Variants in DOK5 observed in about 807,000 individuals in gnomAD.
DOK5 encodes downstream of tyrosine kinase 5.
A neutral mutation model predicts 43.3 loss-of-function variants in DOK5; 27 were observed. The observed-to-expected ratio is 0.62, with a 90% CI of 0.46 to 0.86. The LOEUF (loss-of-function observed/expected upper bound fraction) is 0.86. Among genes scored for constraint, DOK5 ranks in the 40% least tolerant of loss-of-function variants. DOK5 has a pLI of 0.00. For missense variants in DOK5, 373 were observed against 392.9 expected, an observed-to-expected ratio of 0.95 and a Z score of 0.43; for synonymous variants, 146 against 140.1, an observed-to-expected ratio of 1.04 and a Z score of -0.30.
chr20:54,610,545 C>T (rs754614273), intron 6 of DOK5, 22 bp downstream of exon 6: 19 of 1,452,576 alleles, frequency 1.3e-5, no homozygotes, highest in South Asian at 1.1e-4. Context: ...ATTTCTTCCT[C>T]GTGTCCCAGT....
chr20:54,615,847 G>A (rs1264063494), intron 6 of DOK5, among the ~76,000 whole-genome samples: 1 of 151,568 alleles, frequency 6.6e-6, no homozygotes, highest in Non-Finnish European at 1.5e-5. Flanking sequence ...GTTGCAGTGA[G>A]CCAAGATTGC....
At chr20:54,573,245 G>A (rs369942797) in intron 2 of DOK5, among the ~76,000 whole-genome samples, 2 of 152,170 alleles carry the variant, frequency 1.3e-5, no homozygotes, top group African/African-American at 4.8e-5. Context: ...AGCCAATGGC[G>A]TAGCTAGAGG....
At chr20:54,621,263 G>C (rs560812841) in intron 6 of DOK5, among the ~76,000 whole-genome samples, 261 of 152,152 alleles carry the variant, frequency 1.7e-3, no homozygotes, top group African/African-American at 5.9e-3. Context: ...CTTTCTCTTT[G>C]TTTAACAGTT....
chr20:54,540,163 A>G (rs1984102043), intron 1 of DOK5, among the ~76,000 whole-genome samples: 1 of 151,824 alleles, frequency 6.6e-6, no homozygotes, highest in African/African-American at 2.4e-5. Flanking sequence ...TTTCAACTCT[A>G]CAAAAATACC....
At chr20:54,498,820 C>G (rs1289564261) in intron 1 of DOK5, among the ~76,000 whole-genome samples, 1 of 152,076 alleles carries the variant, frequency 6.6e-6, no homozygotes, top group African/African-American at 2.4e-5. Context: ...CCAAAAAAGA[C>G]TTTTTTTCTC....
intron 1 of DOK5, chr20:54,476,273 T>A: frequency 1.1e-6 from 1 of 911,422 alleles, no homozygotes; most frequent in Non-Finnish European, 1.3e-6. Flanking sequence ...CTGGAGCCCA[T>A]CTACTCGAAA....
chr20:54,608,917 C>T (rs191527216), intron 5 of DOK5, among the ~76,000 whole-genome samples: 94 of 152,216 alleles, frequency 6.2e-4, no homozygotes, highest in African/African-American at 1.6e-3. Context: ...TTAGATCATC[C>T]GCCCACCTTG....
intron 2 of DOK5, among the ~76,000 whole-genome samples, chr20:54,573,304 G>T (rs2146750210): frequency 6.6e-6 from 1 of 152,306 alleles, no homozygotes; most frequent in East Asian, 1.9e-4. Flanking sequence ...GGAGCAGGGA[G>T]AATGCTTGTT....
intron 5 of DOK5, among the ~76,000 whole-genome samples, chr20:54,601,164 T>C (rs1568804362): frequency 6.6e-6 from 1 of 152,212 alleles, no homozygotes; most frequent in Non-Finnish European, 1.5e-5. Flanking sequence ...GAGTGAGCAC[T>C]GGGGCTGAGG....
At chr20:54,549,114 G>A (rs573620568) in intron 1 of DOK5, among the ~76,000 whole-genome samples, 41 of 152,242 alleles carry the variant, frequency 2.7e-4, no homozygotes, top group South Asian at 1.0e-3. Flanking sequence ...GCCCCAAGAG[G>A]GAGACACAGC....
intron 1 of DOK5, among the ~76,000 whole-genome samples, chr20:54,478,634 A>G (rs1236741079): frequency 2.0e-5 from 3 of 152,226 alleles, no homozygotes; most frequent in Non-Finnish European, 4.4e-5. Flanking sequence ...TCCTGGTGCC[A>G]AGGAATAAAT....
intron 1 of DOK5, among the ~76,000 whole-genome samples, chr20:54,543,080 T>C (rs1568775339): frequency 6.6e-6 from 1 of 152,122 alleles, no homozygotes; most frequent in African/African-American, 2.4e-5. Flanking sequence ...AGGGTAAAAA[T>C]ACACAGAATT....
chr20:54,533,456 CA>C (rs1157618626), intron 1 of DOK5, among the ~76,000 whole-genome samples: 2 of 152,144 alleles, frequency 1.3e-5, no homozygotes, highest in Admixed American at 6.5e-5. Context: ...GAAATTTAAA[CA>C]TTTTTTTCTA....
At chr20:54,570,590 C>A (rs898011612) in intron 2 of DOK5, among the ~76,000 whole-genome samples, 9 of 152,008 alleles carry the variant, frequency 5.9e-5, no homozygotes, top group African/African-American at 2.2e-4. Flanking sequence ...ATAAATAAAT[C>A]ATCATCTGTA....
chr20:54,642,997 A>G (rs1568826204), intron 6 of DOK5, among the ~76,000 whole-genome samples: 2 of 152,252 alleles, frequency 1.3e-5, no homozygotes, highest in Admixed American at 1.3e-4. Context: ...TGTTACTTGT[A>G]TATCTATTAC....
At chr20:54,641,539 TATC>T (rs56910547) in intron 6 of DOK5, among the ~76,000 whole-genome samples, 16,465 of 128,674 alleles carry the variant, frequency 0.13, 2,012 homozygotes, top group African/African-American at 0.32. Flanking sequence ...AATTTCTAAT[TATC>T]ATCATCATCA....
intron 1 of DOK5, among the ~76,000 whole-genome samples, chr20:54,535,116 C>G (rs1032777528): frequency 2.0e-5 from 3 of 152,122 alleles, no homozygotes; most frequent in African/African-American, 7.2e-5. Context: ...AAGGTGTGAG[C>G]CACCACACCC....
intron 1 of DOK5, among the ~76,000 whole-genome samples, chr20:54,542,977 G>T (rs1187854162): frequency 6.7e-6 from 1 of 149,660 alleles, no homozygotes; most frequent in Non-Finnish European, 1.5e-5. Flanking sequence ...GTAGCATAGA[G>T]TTGGTAGCTT....
intron 2 of DOK5, among the ~76,000 whole-genome samples, chr20:54,573,561 C>T (rs886697488): frequency 4.6e-5 from 7 of 151,588 alleles, no homozygotes; most frequent in East Asian, 1.9e-4. Context: ...GTGGCACATG[C>T]GTGTATTCCC....
Sources: gnomAD v4.1 joint callset for allele counts (sites outside exome capture counted in the v4.1 genomes callset) on GRCh38, gnomAD v4.1.1 for gene constraint, MANE v1.5 for transcripts, NCBI Gene and HGNC (gene_info 2026-07-23, HGNC 2026-07-21) for gene names.